AREG: variants seen among roughly 807,000 people sequenced by gnomAD.
AREG encodes amphiregulin B.
AREG carries 16 observed loss-of-function variants against 28.0 expected under a neutral mutation model. That is an observed-to-expected ratio of 0.57 (90% confidence interval 0.39 to 0.87). AREG has a LOEUF of 0.87. Among genes scored for constraint, AREG ranks in the 40% least tolerant of loss-of-function variants. The probability of loss-of-function intolerance (pLI) is 0.00; values close to 1 mark genes in which losing one functional copy is unlikely to be tolerated. For synonymous variants in AREG, 113 were observed against 113.5 expected, an observed-to-expected ratio of 1.00 and a Z score of 0.02; for missense variants, 287 against 309.1, an observed-to-expected ratio of 0.93 and a Z score of 0.53.
chr4:74,446,952 A>AT (rs1403465819), intron 2 of AREG, among the ~76,000 whole-genome samples, 170 bp downstream of exon 2: 1 of 152,180 alleles, frequency 6.6e-6, no homozygotes. Flanking sequence ...GGCACATCCT[A>AT]TATGGCCAGA....
chr4:74,454,903 A>C lies in AREG; in HGVS notation c.*163A>C. 1 of 673,502 alleles carries C rather than the reference A, an allele frequency of 1.5e-6. No individual in the cohort carries two copies. 41.7% of individuals were successfully genotyped at this position (673,502 alleles called of 1,614,324 possible). On this transcript the variant is annotated 3_prime_UTR_variant, in exon 6 of 6. Transcript: ENST00000395748. ...CTTTTTATGCTATTTCTGTATATAA[A>C]GGTGCACGAAGGTAAAAAGTATTTT...
chr4:74,448,069 A>C (rs1719320505), intron 2 of AREG, among the ~76,000 whole-genome samples: 1 of 152,234 alleles, frequency 6.6e-6, no homozygotes, highest in Non-Finnish European at 1.5e-5. Context: ...CGAAAGGCTA[A>C]GTTAAATGTC....
At chr4:74,452,774 G>A (rs949801986) in intron 5 of AREG, 119 bp downstream of exon 5, 33 of 853,008 alleles carry the variant, frequency 3.9e-5, no homozygotes, top group Non-Finnish European at 5.6e-5. Context: ...ATGAACAATG[G>A]CTATGTTAAA....
At chr4:74,450,570 A>G (rs1719365649) in intron 4 of AREG, 38 bp downstream of exon 4, 8 of 1,609,808 alleles carry the variant, frequency 5.0e-6, no homozygotes, top group Non-Finnish European at 5.9e-6. Context: ...TAATAAAATA[A>G]TGGGAGGTTA....
At chr4:74,448,735 G>T (rs959547305) in intron 2 of AREG, 36 of 282,414 alleles carry the variant, frequency 1.3e-4, no homozygotes, top group South Asian at 7.6e-4. Context: ...ATTATAATCT[G>T]TTGTAATCTG....
At chr4:74,452,129 A>G (rs1372140785) in intron 4 of AREG, among the ~76,000 whole-genome samples, 2 of 152,212 alleles carry the variant, frequency 1.3e-5, no homozygotes, top group Non-Finnish European at 2.9e-5. Flanking sequence ...CTAGAAATAA[A>G]TAAAGCTCAA....
At position 74,445,204 on chromosome 4, in the gene AREG, C is replaced by T; in HGVS notation, c.-142C>T. The stretch of plus-strand genomic sequence containing the variant: ...ACAGCCCGAGGCGCCGCGCCCGCCG[C>T]CCCGAGCTCCCCAAGCCTTCGAGAG... On this transcript the variant is annotated 5_prime_UTR_variant, in exon 1 of 6. Transcript: ENST00000395748. The T allele has an allele frequency of 6.7e-7, 1 of 1,492,158 alleles. No individual in the cohort carries two copies. The highest frequency in any genetic ancestry group is 9.0e-7 in the Non-Finnish European group (1 of 1,115,298). The allele number at this position is 1,492,158 out of a possible 1,614,324, so 92.4% of individuals were successfully genotyped here. A position where few individuals can be genotyped will look rare whatever the true frequency, so the allele number is the denominator to read the frequency against.
intron 5 of AREG, among the ~76,000 whole-genome samples, chr4:74,454,384 A>G (rs1356822636): frequency 1.3e-5 from 2 of 152,222 alleles, no homozygotes; most frequent in African/African-American, 2.4e-5. Flanking sequence ...AATTAACTAT[A>G]TATCATAAAT....
At chr4:74,451,405 T>C (rs1719379589) in intron 4 of AREG, among the ~76,000 whole-genome samples, 1 of 152,204 alleles carries the variant, frequency 6.6e-6, no homozygotes, top group Non-Finnish European at 1.5e-5. Flanking sequence ...TAATTTTAGG[T>C]CTTGGTAAAT....
At chr4:74,453,855 G>T (rs1375087991) in intron 5 of AREG, among the ~76,000 whole-genome samples, 1 of 151,786 alleles carries the variant, frequency 6.6e-6, no homozygotes, top group African/African-American at 2.4e-5. Flanking sequence ...GCAAGGCAGA[G>T]GTTGCAGTAA....
At chr4:74,447,198 A>G (rs1443865473) in intron 2 of AREG, among the ~76,000 whole-genome samples, 2 of 152,146 alleles carry the variant, frequency 1.3e-5, no homozygotes, top group Non-Finnish European at 2.9e-5. Flanking sequence ...CTGAGAGACA[A>G]ATTTAGACAT....
chr4:74,446,274 A>AT (rs1185344665), intron 1 of AREG, among the ~76,000 whole-genome samples: 3 of 152,176 alleles, frequency 2.0e-5, no homozygotes, highest in Admixed American at 6.5e-5. Context: ...ATTTGGCGGG[A>AT]TTTTTTTGAT....
In AREG at chr4:74,452,410, G is replaced by C. The variant is rs980017646; in HGVS notation, c.666-134G>C. On this transcript the variant is annotated intron_variant, in intron 4 of 5. Coordinates refer to ENST00000395748, the MANE Select transcript of AREG (RefSeq NM_001657.4). ...TGGTAATATTTTATAGCCAGGTTTA[G>C]GTTTAGTGTCAAGTATAGTGATTGC... 361 of 966,804 alleles carry C rather than the reference G, an allele frequency of 3.7e-4. No individual in the cohort carries two copies. The African/African-American group carries it at 5.5e-3, about 15-fold the overall frequency. 59.9% of individuals were successfully genotyped at this position (966,804 alleles called of 1,614,324 possible).
intron 4 of AREG, among the ~76,000 whole-genome samples, 187 bp from the exon 5 acceptor site, chr4:74,452,357 C>T (rs1719393566): frequency 6.6e-6 from 1 of 152,108 alleles, no homozygotes; most frequent in South Asian, 2.1e-4. Context: ...GATTTATATA[C>T]AGTCAACATA....
rs1204628457 is a variant in AREG, at chr4:74,450,480, G to T, written c.613G>T (p.Ala205Ser). ...SLSKIALAAIAAFMSAVILTA... is the reference protein window; with the variant it reads ...SLSKIALAAISAFMSAVILTA... ...ATCAAAAATTGCATTAGCAGCCATA[G>T]CTGCCTTTATGTCTGCTGTGATCCT... The change falls in exon 4 of 6, where the codon GCT (alanine) becomes TCT (serine). Residue 205 changes from alanine to serine, a missense_variant. By Grantham distance (99) the Ala-to-Ser change is moderately conservative. Transcript: ENST00000395748. The T allele has an allele frequency of 2.8e-5, 45 of 1,613,826 alleles. No individual in the cohort carries two copies. The highest frequency in any genetic ancestry group is 4.0e-5 in the African/African-American group (3 of 74,924).
At chr4:74,446,909 T>G in intron 2 of AREG, 127 bp downstream of exon 2, 1 of 1,579,326 alleles carries the variant, frequency 6.3e-7, no homozygotes, top group Admixed American at 1.7e-5. Context: ...GGATAGCCCC[T>G]AGGTAAACTG....
In AREG at chr4:74,445,280, G is replaced by T; in HGVS notation, c.-66G>T. ...GCTCTTCCAACACCCGCTCGTTTTG[G>T]CGGCAGCTCGTGTCCCAGAGACCGA... On this transcript the variant is annotated 5_prime_UTR_variant, in exon 1 of 6. Coordinates refer to ENST00000395748, the MANE Select transcript of AREG (RefSeq NM_001657.4). The T allele has an allele frequency of 8.9e-6, 14 of 1,577,580 alleles. No homozygotes were observed. Among genetic ancestry groups the T allele is most frequent in the Middle Eastern group, 2.3e-4 (1 of 4,384 alleles).
chr4:74,452,183 T>A (rs1346700431), intron 4 of AREG, among the ~76,000 whole-genome samples: 1 of 152,190 alleles, frequency 6.6e-6, no homozygotes, highest in Non-Finnish European at 1.5e-5. Context: ...TCATTTAATT[T>A]GTGCAAGTAT....
chr4:74,454,075 A>G (rs1719422929), intron 5 of AREG, among the ~76,000 whole-genome samples: 1 of 152,254 alleles, frequency 6.6e-6, no homozygotes, highest in Admixed American at 6.5e-5. Context: ...TTGGTTAAGT[A>G]CAGATATTTT....
Sources: gnomAD v4.1 joint callset for allele counts (sites outside exome capture counted in the v4.1 genomes callset) on GRCh38, gnomAD v4.1.1 for gene constraint, MANE v1.5 for transcripts, NCBI Gene and HGNC (gene_info 2026-07-23, HGNC 2026-07-21) for gene names.